SNRPB2: variants seen among roughly 807,000 people sequenced by gnomAD.
The protein encoded by SNRPB2 is small nuclear ribonucleoprotein polypeptide B2, also known as U2 small nuclear ribonucleoprotein B''.
A neutral mutation model predicts 26.3 loss-of-function variants in SNRPB2; 16 were observed. That is an observed-to-expected ratio of 0.61 (90% CI 0.41 to 0.92). The LOEUF is 0.92. Ranked by LOEUF, SNRPB2 falls within the 40% of genes least tolerant of loss-of-function variation. The pLI, the probability that SNRPB2 is intolerant of heterozygous loss-of-function variation, is 0.00. For missense variants in SNRPB2, 179 were observed against 268.1 expected (o/e 0.67, Z 2.32); for synonymous variants, 75 against 89.0 (o/e 0.84, Z 0.88).
At chr20:16,736,247 A>G (rs192867296) in intron 3 of SNRPB2, among the ~76,000 whole-genome samples, 1 of 152,124 alleles carries the variant, frequency 6.6e-6, no homozygotes, top group Admixed American at 6.5e-5. Flanking sequence ...GATCCTATCT[A>G]TGTGACATTC....
At chr20:16,735,077 C>T (rs1214288062) in intron 3 of SNRPB2, among the ~76,000 whole-genome samples, 1 of 152,154 alleles carries the variant, frequency 6.6e-6, no homozygotes. Flanking sequence ...CAGAAAGAGC[C>T]TGGGATTCTG....
chr20:16,733,228 G>A (rs1276638441), intron 3 of SNRPB2, among the ~76,000 whole-genome samples: 1 of 152,184 alleles, frequency 6.6e-6, no homozygotes. Flanking sequence ...GTCTAATGCA[G>A]GCATCAGCAA....
At chr20:16,731,279 A>T (rs1399186297) in intron 1 of SNRPB2, among the ~76,000 whole-genome samples, 1 of 152,220 alleles carries the variant, frequency 6.6e-6, no homozygotes, top group Admixed American at 6.5e-5. Context: ...AAACTTCATT[A>T]ATGTCTAACC....
Position 16,741,505 on chromosome 20 carries a change from G to T in SNRPB2, c.*500G>T, listed in dbSNP as rs1405380698. On this transcript the variant is annotated 3_prime_UTR_variant, in exon 7 of 7. Transcript: ENST00000246071. Reference sequence around the variant, plus strand: ...TGATCTTTGTATCCTTTTAAGAAATGAATATATTATTTTGCTGCTAGTAGG... The same window carrying T: ...TGATCTTTGTATCCTTTTAAGAAATTAATATATTATTTTGCTGCTAGTAGG... 6.6e-6 allele frequency: 1 copy of T among 152,140 alleles called. No individual in the cohort carries two copies. The highest frequency in any genetic ancestry group is 1.5e-5 in the Non-Finnish European group (1 of 68,022). 9.4% of individuals were successfully genotyped at this position (152,140 alleles called of 1,614,324 possible).
In SNRPB2 at chr20:16,732,322, TATGGTAAACCA is replaced by T; in HGVS notation, c.231_237+4del. 6.4e-7 allele frequency: 1 copy of T among 1,568,310 alleles called. No homozygotes were observed. Among genetic ancestry groups the T allele is most frequent in the Non-Finnish European group, 8.6e-7 (1 of 1,157,758 alleles). On this transcript the variant is annotated frameshift_variant, in exon 3 of 7. Coordinates refer to ENST00000246071, the MANE Select transcript of SNRPB2 (RefSeq NM_003092.5). LOFTEE classifies it high-confidence loss of function. ...GAGACAGCTACAAGGATTTCCATTT[TATGGTAAACCA>T]ATGGTAAGCCAATTCCATTATTTCA...
intron 4 of SNRPB2, among the ~76,000 whole-genome samples, chr20:16,738,155 C>T (rs139080763): frequency 1.3e-5 from 2 of 151,398 alleles, no homozygotes; most frequent in African/African-American, 4.8e-5. Context: ...GTGAAATGAA[C>T]TGCTTGGCGC....
intron 3 of SNRPB2, among the ~76,000 whole-genome samples, chr20:16,734,599 AC>A (rs2072413231): frequency 6.6e-6 from 1 of 152,014 alleles, no homozygotes; most frequent in Non-Finnish European, 1.5e-5. Context: ...GCGTTTCTCA[AC>A]CCTGTCACTT....
Position 16,732,234 on chromosome 20 carries a change from C to A in SNRPB2, c.135C>A (p.Thr45=), listed in dbSNP as rs775298032. 5 of 1,601,954 alleles carry A rather than the reference C, an allele frequency of 3.1e-6. No homozygotes were observed. In the South Asian group the frequency reaches 5.5e-5, roughly 18 times the overall value. The change falls in exon 3 of 7, where the codon ACC becomes ACA. Residue 45 remains threonine, a synonymous_variant. Coordinates refer to ENST00000246071, the MANE Select transcript of SNRPB2 (RefSeq NM_003092.5). ...TGGTGGACATTGTGGCTTTAAAGAC[C>A]ATGAAGATGAGGGGGCAGGCCTTTG... ...GHVVDIVALK[T]MKMRGQAFVI...
intron 2 of SNRPB2, 151 bp downstream of exon 2, chr20:16,731,917 A>G (rs2072394382): frequency 8.1e-7 from 1 of 1,242,152 alleles, no homozygotes; most frequent in South Asian, 1.6e-5. Context: ...GAAGGCTTTT[A>G]AAAAACAAAA....
intron 6 of SNRPB2, 40 bp from the exon 7 acceptor site, chr20:16,740,806 T>C: frequency 1.4e-6 from 2 of 1,464,648 alleles, no homozygotes; most frequent in East Asian, 4.5e-5. Flanking sequence ...CAAACATTTA[T>C]GTACTTGCTG....
chr20:16,734,479 A>G (rs1416599157), intron 3 of SNRPB2, among the ~76,000 whole-genome samples: 1 of 152,212 alleles, frequency 6.6e-6, no homozygotes, highest in Non-Finnish European at 1.5e-5. Context: ...AATAAAGTAG[A>G]ACTGTCTTCC....
At position 16,741,220 on chromosome 20, in the gene SNRPB2, A is replaced by C. The variant is rs1436653737; in HGVS notation, c.*215A>C. The stretch of plus-strand genomic sequence containing the variant: ...ATAAACTTTTATTTGTATTCTGTGT[A>C]TATAATGCTTTCTTGATTGACCCAT... On this transcript the variant is annotated 3_prime_UTR_variant, in exon 7 of 7. Coordinates refer to ENST00000246071, the MANE Select transcript of SNRPB2 (RefSeq NM_003092.5). The C allele has an allele frequency of 2.9e-5, 12 of 415,884 alleles. No individual in the cohort carries two copies. Among genetic ancestry groups the C allele is most frequent in the Non-Finnish European group, 4.7e-5 (11 of 233,192 alleles). 25.8% of individuals were successfully genotyped at this position (415,884 alleles called of 1,614,324 possible).
intron 3 of SNRPB2, among the ~76,000 whole-genome samples, chr20:16,733,950 A>G (rs969420691): frequency 6.6e-5 from 10 of 152,316 alleles, no homozygotes; most frequent in Non-Finnish European, 1.0e-4. Context: ...CTCTCATAGT[A>G]GTATAAAGAA....
rs146082947 is a variant in SNRPB2, at chr20:16,737,287, G to A, written c.264G>A (p.Ser88=). ...PMRIQYAKTD[S]DIISKMRGTF... is the part of the protein sequence containing the mutation. ...GAATACAGTATGCAAAAACAGATTCGGATATAATATCAAAAATGCGTGGAA... is the reference window on the plus strand; with the variant it reads ...GAATACAGTATGCAAAAACAGATTCAGATATAATATCAAAAATGCGTGGAA... The change falls in exon 4 of 7, where the codon TCG becomes TCA. Residue 88 remains serine (S), a synonymous_variant. Coordinates refer to ENST00000246071, the MANE Select transcript of SNRPB2 (RefSeq NM_003092.5). 5.9e-4 allele frequency: 941 copies of A among 1,595,092 alleles called. No individual in the cohort carries two copies. Among genetic ancestry groups the A allele is most frequent in the Non-Finnish European group, 7.5e-4 (884 of 1,174,288 alleles).
At chr20:16,737,492 C>G in intron 4 of SNRPB2, 91 bp downstream of exon 4, 1 of 1,198,810 alleles carries the variant, frequency 8.3e-7, no homozygotes. Flanking sequence ...TTAGGCTTGT[C>G]TGTATATGTG....
Position 16,737,306 on chromosome 20 carries a change from C to T in SNRPB2, c.283C>T (p.Arg95Cys), listed in dbSNP as rs377685264. ...AGATTCGGATATAATATCAAAAATG[C>T]GTGGAACTTTTGCTGACAAAGAAAA... ...KTDSDIISKMRGTFADKEKKK... is the reference protein window; with the variant it reads ...KTDSDIISKMCGTFADKEKKK... The change falls in exon 4 of 7, where the codon CGT (arginine) becomes TGT (cysteine). Residue 95 changes from arginine (R) to cysteine (C), a missense_variant. Around this residue, in one of 2 missense-constraint regions of SNRPB2, gnomAD observed 145 missense variants for 180.7 expected, o/e 0.80. Transcript: ENST00000246071. 27 of 1,602,214 alleles carry T rather than the reference C, an allele frequency of 1.7e-5. No homozygotes were observed. The highest frequency in any genetic ancestry group is 2.2e-5 in the East Asian group (1 of 44,564).
intron 3 of SNRPB2, among the ~76,000 whole-genome samples, chr20:16,734,772 C>T (rs910513208): frequency 1.8e-4 from 27 of 152,318 alleles, no homozygotes; most frequent in African/African-American, 5.8e-4. Flanking sequence ...AAAATCACCT[C>T]TGGTTGAGAA....
intron 6 of SNRPB2, among the ~76,000 whole-genome samples, chr20:16,740,616 CTGAT>C (rs1160875475): frequency 6.6e-6 from 1 of 152,170 alleles, no homozygotes; most frequent in Non-Finnish European, 1.5e-5. Context: ...ATTCTTAACT[CTGAT>C]TGATGTAATA....
intron 3 of SNRPB2, 33 bp from the exon 4 acceptor site, chr20:16,737,228 G>GAGAAGTAAC (rs745539336): frequency 2.2e-5 from 34 of 1,536,344 alleles, no homozygotes; most frequent in Non-Finnish European, 2.8e-5. Flanking sequence ...CCTTCAGCAT[G>GAGAAGTAAC]AGAAGTAACC....
Sources: gnomAD v4.1 joint callset for allele counts (sites outside exome capture counted in the v4.1 genomes callset) on GRCh38, gnomAD v4.1.1 for gene constraint, gnomAD v4.1.1 regional missense constraint, MANE v1.5 for transcripts, NCBI Gene and HGNC (gene_info 2026-07-23, HGNC 2026-07-21) for gene names.